MTERF4: variants seen among roughly 807,000 people sequenced by gnomAD.
The protein encoded by MTERF4 is mitochondrial transcription termination factor 4, also known as transcription termination factor 4, mitochondrial.
Under a neutral mutation model 22.5 loss-of-function variants are expected in MTERF4, and 17 were observed. That is an observed-to-expected ratio of 0.75 (90% CI 0.52 to 1.13). The LOEUF (loss-of-function observed/expected upper bound fraction) is 1.13. MTERF4 is among the 50% of genes most tolerant of loss of function. The pLI, the probability that MTERF4 is intolerant of heterozygous loss-of-function variation, is 0.00. For missense variants in MTERF4, 420 were observed against 466.8 expected (o/e 0.90, Z 0.92); for synonymous variants, 165 against 175.3 (o/e 0.94, Z 0.47).
chr2:241,048,677 G>T, the MTERF4 span: 1 of 1,611,230 alleles, frequency 6.2e-7, no homozygotes. Context: ...CCCGATGACT[G>T]TGAGTGCCGC....
chr2:241,062,232 T>C, the MTERF4 span, among the ~76,000 whole-genome samples: 2 of 152,170 alleles, frequency 1.3e-5, no homozygotes, highest in South Asian at 2.1e-4. Context: ...GGGTACACGG[T>C]CGGATGAGCC....
At chr2:241,054,681 A>G in the MTERF4 span, among the ~76,000 whole-genome samples, 1 of 152,290 alleles carries the variant, frequency 6.6e-6, no homozygotes, top group Non-Finnish European at 1.5e-5. Context: ...AAACAGTGGG[A>G]ATAAGCAGAT....
Position 241,096,285 on chromosome 2 carries a change from T to C in MTERF4, c.859A>G (p.Asn287Asp), listed in dbSNP as rs1391144535. 3 of 1,614,078 alleles carry C rather than the reference T, an allele frequency of 1.9e-6. No individual in the cohort carries two copies. Among genetic ancestry groups the C allele is most frequent in the Admixed American group, 3.3e-5 (2 of 60,010 alleles). Residue 287 changes from asparagine to aspartate, a missense_variant, in exon 4 of 4, where the codon AAC (asparagine) becomes GAC (aspartate). Transcript: ENST00000391980. The surrounding 1 kb of genome is among the most constrained non-coding windows in gnomAD (Gnocchi z 5.1). Reference sequence around the variant, plus strand: ...CTGAGAATGTCCTTGAGCAATGGGTTAGGGATCTGTGTCTGCCCCTTCTTA... The same window carrying C: ...CTGAGAATGTCCTTGAGCAATGGGTCAGGGATCTGTGTCTGCCCCTTCTTA... ...PDKKGQTQIPNPLLKDILRVS... is the reference protein window; with the variant it reads ...PDKKGQTQIPDPLLKDILRVS...
intron 1 of MTERF4, 125 bp from the exon 2 acceptor site, chr2:241,100,019 A>G (rs1198721659): frequency 8.3e-7 from 1 of 1,201,644 alleles, no homozygotes; most frequent in South Asian, 1.6e-5. Context: ...TTTATAAGCA[A>G]TCTGCAAAAT....
the MTERF4 span, chr2:241,065,229 G>T: frequency 5.2e-6 from 8 of 1,533,834 alleles, no homozygotes; most frequent in Non-Finnish European, 6.2e-6. Flanking sequence ...CTGAGCCGCC[G>T]ACGGGAGCCA....
In MTERF4 at chr2:241,096,041, G is replaced by C. The variant is rs527256124; in HGVS notation, c.1103C>G (p.Ala368Gly). ...GTCCTCATCCTCATCATTGTCCTCC[G>C]CCTCGTCGTCGTCCTCATCATCGTC... ...EDDDDEDDDE[A>G]EDNDEDEDDD... The change falls in exon 4 of 4, where the codon GCG (alanine) becomes GGG (glycine). Residue 368 changes from alanine (A) to glycine (G), a missense_variant. By Grantham distance (60) the Ala-to-Gly change is moderately conservative. Transcript: ENST00000391980. This position sits in a 1 kb window ranked among gnomAD's most constrained non-coding sequence, Gnocchi z 5.1. The C allele has an allele frequency of 6.2e-7, 1 of 1,611,670 alleles. No homozygotes were observed.
downstream of MTERF4, chr2:241,087,917 T>C: frequency 4.8e-6 from 2 of 417,258 alleles, no homozygotes; most frequent in Admixed American, 4.1e-5. Context: ...GTGAGAATAT[T>C]ATATGCTTTA....
At chr2:241,048,464 C>T in the MTERF4 span, 1 of 1,577,948 alleles carries the variant, frequency 6.3e-7, no homozygotes, top group Admixed American at 1.8e-5. Context: ...GCAAGGGCTG[C>T]CGTTTTAGGG....
downstream of MTERF4, chr2:241,090,577 T>G: frequency 9.3e-7 from 1 of 1,072,164 alleles, no homozygotes; most frequent in South Asian, 2.8e-5. Context: ...AGTAGGTTTG[T>G]ATACACCAGC....
At chr2:241,063,914 G>GC in the MTERF4 span, 2 of 965,152 alleles carry the variant, frequency 2.1e-6, no homozygotes, top group Non-Finnish European at 3.1e-6. Flanking sequence ...CCTGGCCTCC[G>GC]CCCCTAGACT....
At chr2:241,069,827 G>A, downstream of MTERF4, 2 of 1,428,470 alleles carry the variant, frequency 1.4e-6, no homozygotes, top group Non-Finnish European at 1.9e-6. The surrounding 1 kb of genome is among the most constrained non-coding windows in gnomAD (Gnocchi z 4.9). Flanking sequence ...TTCCAGCAAG[G>A]CTGCGGCAGC....
the MTERF4 span, chr2:241,063,735 G>T: frequency 2.1e-5 from 30 of 1,415,060 alleles, no homozygotes; most frequent in Non-Finnish European, 2.7e-5. Context: ...CACATGCAGA[G>T]CCTGGGCCTC....
chr2:241,097,215 C>G (rs555687763), intron 3 of MTERF4, 28 bp downstream of exon 3: 1 of 1,610,098 alleles, frequency 6.2e-7, no homozygotes, highest in Non-Finnish European at 8.5e-7. Context: ...CCTGAAACTA[C>G]GCTAATCACG....
chr2:241,049,819 C>A, the MTERF4 span: 1 of 1,613,332 alleles, frequency 6.2e-7, no homozygotes, highest in Non-Finnish European at 8.5e-7. Context: ...GCCCCCAGCC[C>A]TGCCATCACC....
downstream of MTERF4, chr2:241,089,956 T>C (rs1046810983): frequency 5.2e-6 from 8 of 1,545,162 alleles, no homozygotes; most frequent in African/African-American, 9.6e-5. Flanking sequence ...TAAAAATAGA[T>C]ATAAAAGATA....
At chr2:241,049,876 G>A in the MTERF4 span, 3 of 1,613,860 alleles carry the variant, frequency 1.9e-6, no homozygotes, top group Non-Finnish European at 2.5e-6. Context: ...CGATGCCCAT[G>A]ACGACTCCTA....
downstream of MTERF4, chr2:241,071,722 TA>T: frequency 3.8e-6 from 4 of 1,039,404 alleles, no homozygotes; most frequent in Non-Finnish European, 5.3e-6. Flanking sequence ...GCCCCCCAGG[TA>T]CATGCCCCAC....
chr2:241,082,037 G>A (rs888763178), intron 4 of MTERF4, among the ~76,000 whole-genome samples: 1 of 152,222 alleles, frequency 6.6e-6, no homozygotes, highest in Non-Finnish European at 1.5e-5. Flanking sequence ...CACAGCTTCG[G>A]AGGGCTCCCT....
downstream of MTERF4, among the ~76,000 whole-genome samples, chr2:241,082,693 CTCT>C (rs2063386509): frequency 6.6e-6 from 1 of 152,232 alleles, no homozygotes; most frequent in Non-Finnish European, 1.5e-5. Flanking sequence ...TTCCTCTCTT[CTCT>C]TCCTCAGAGC....
Sources: allele counts gnomAD v4.1 joint callset (sites outside exome capture counted in the v4.1 genomes callset), GRCh38; gene constraint gnomAD v4.1.1; non-coding constraint Gnocchi (gnomAD v3.1); transcripts MANE v1.5; gene names NCBI Gene and HGNC (gene_info 2026-07-23, HGNC 2026-07-21).